Variants in ANO1 observed in about 807,000 individuals in gnomAD.
The protein encoded by ANO1 is anoctamin-1.
ANO1 carries 59 observed loss-of-function variants against 124.0 expected under a neutral mutation model. That is an observed-to-expected ratio of 0.48 (90% CI 0.39 to 0.59). ANO1 has a LOEUF of 0.59. ANO1 is among the 20% of genes least tolerant of loss of function. ANO1 has a pLI of 0.00. For missense variants in ANO1, 1,059 were observed against 1,328.0 expected, an observed-to-expected ratio of 0.80 and a Z score of 3.15; for synonymous variants, 529 against 532.0, an observed-to-expected ratio of 0.99 and a Z score of 0.08.
At chr11:69,980,363 C>T in the ANO1 span, among the ~76,000 whole-genome samples, 3 of 152,266 alleles carry the variant, frequency 2.0e-5, no homozygotes, top group East Asian at 3.9e-4. Context: ...GTGGCTCACA[C>T]CTGTAATCCC....
intron 1 of ANO1, among the ~76,000 whole-genome samples, chr11:70,029,837 C>T (rs1429580443): frequency 5.3e-5 from 8 of 152,186 alleles, no homozygotes; most frequent in African/African-American, 1.7e-4. Context: ...GCTTGAGCTG[C>T]ATCACTCCAG....
At chr11:70,145,718 C>A (rs1039985334) in intron 11 of ANO1, among the ~76,000 whole-genome samples, 1 of 152,080 alleles carries the variant, frequency 6.6e-6, no homozygotes, top group Non-Finnish European at 1.5e-5. Flanking sequence ...AGGCAGATCA[C>A]GTGAGGCCAG....
chr11:70,022,460 G>A (rs1015625462), intron 1 of ANO1, among the ~76,000 whole-genome samples: 25 of 152,098 alleles, frequency 1.6e-4, no homozygotes, highest in African/African-American at 2.2e-4. Context: ...TTAGCCGGAC[G>A]TGGTGGCAGG....
intron 10 of ANO1, 88 bp downstream of exon 10, chr11:70,126,283 C>A: frequency 1.4e-6 from 2 of 1,446,912 alleles, no homozygotes; most frequent in Non-Finnish European, 9.3e-7. Flanking sequence ...GGGACACTGG[C>A]CTCTCACACC....
intron 4 of ANO1, among the ~76,000 whole-genome samples, chr11:70,105,167 T>C (rs1203296999): frequency 6.6e-6 from 1 of 151,778 alleles, no homozygotes; most frequent in African/African-American, 2.4e-5. Flanking sequence ...TCCGTGGAGG[T>C]GGAAACTGGC....
chr11:70,094,078 G>A (rs989056876), intron 2 of ANO1, among the ~76,000 whole-genome samples: 5 of 152,232 alleles, frequency 3.3e-5, no homozygotes, highest in Non-Finnish European at 7.3e-5. Flanking sequence ...CCCACAGAGG[G>A]ACAGAGCTGG....
chr11:70,137,998 C>T (rs2135554914), intron 11 of ANO1, among the ~76,000 whole-genome samples: 1 of 147,768 alleles, frequency 6.8e-6, no homozygotes, highest in South Asian at 2.3e-4. Flanking sequence ...CCTAACCTCT[C>T]ACCTTGTGCT....
intron 7 of ANO1, among the ~76,000 whole-genome samples, chr11:70,115,090 G>A (rs1565214609): frequency 2.6e-5 from 4 of 152,130 alleles, no homozygotes; most frequent in Admixed American, 2.0e-4. Context: ...AAGGAGTCAG[G>A]CTTGGGTGGG....
At position 70,009,568 on chromosome 11, in the gene ANO1, T is replaced by A. The variant is rs76229010; in HGVS notation, c.58+23402T>A. 6.5e-3 allele frequency among the ~76,000 whole-genome samples: 983 copies of A among 152,258 alleles called. 15 individuals are homozygous for A. The highest frequency in any genetic ancestry group is 0.022 in the African/African-American group (918 of 41,532). On this transcript the variant is annotated intron_variant, in intron 1 of 27. Transcript: ENST00000531349. Reference sequence around the variant, plus strand: ...TGAAAAGGCCTGTCTTGGTGCATTTTGCGTTGCTATAAAGGAATGCATGAG... The same window carrying A: ...TGAAAAGGCCTGTCTTGGTGCATTTAGCGTTGCTATAAAGGAATGCATGAG...
chr11:70,004,093 A>G (rs10899055), intron 1 of ANO1, among the ~76,000 whole-genome samples: 115,389 of 151,876 alleles, frequency 0.76, 44,173 homozygotes, highest in East Asian at 0.99. Flanking sequence ...GGAGCCCACC[A>G]GGGGCTCCTT....
intron 11 of ANO1, among the ~76,000 whole-genome samples, chr11:70,136,708 A>G (rs544406969): frequency 1.4e-5 from 2 of 147,760 alleles, no homozygotes; most frequent in South Asian, 4.7e-4. Flanking sequence ...GCTCAGCTCC[A>G]CCACACGAGG....
chr11:70,087,690 C>T (rs2044437571), intron 1 of ANO1, 62 bp from the exon 2 acceptor site: 2 of 1,433,350 alleles, frequency 1.4e-6, no homozygotes, highest in Non-Finnish European at 9.3e-7. Flanking sequence ...GAGCAGCGCA[C>T]CCTCCAAAGG....
At chr11:69,966,243 A>T in the ANO1 span, among the ~76,000 whole-genome samples, 1 of 152,140 alleles carries the variant, frequency 6.6e-6, no homozygotes, top group African/African-American at 2.4e-5. Context: ...ATCCTTGGGC[A>T]CTGACCCTGG....
chr11:70,064,291 C>T (rs1219004309), intron 1 of ANO1: 5 of 152,416 alleles, frequency 3.3e-5, no homozygotes, highest in Admixed American at 2.0e-4. Flanking sequence ...CACTCCCCCT[C>T]ACCCTCCTGG....
intron 11 of ANO1, 109 bp downstream of exon 11, chr11:70,132,188 G>GAAAAAAAAA: frequency 7.3e-7 from 1 of 1,373,934 alleles, no homozygotes; most frequent in African/African-American, 1.5e-5. Flanking sequence ...GGGTTGTCGG[G>GAAAAAAAAA]AAAAAACATA....
chr11:70,085,283 C>A, intron 1 of ANO1: 1 of 1,125,448 alleles, frequency 8.9e-7, no homozygotes, highest in Non-Finnish European at 1.2e-6. Context: ...GGCATGGGAA[C>A]CCACTGCCCT....
chr11:70,153,077 C>T lies in ANO1; in HGVS notation c.1374C>T (p.Tyr458=), dbSNP rs369762692. 6.2e-6 allele frequency: 10 copies of T among 1,606,990 alleles called. No individual in the cohort carries two copies. Among genetic ancestry groups the T allele is most frequent in the South Asian group, 5.6e-5 (5 of 89,198 alleles). The change falls in exon 14 of 26, where the codon TAC becomes TAT. Residue 458 remains tyrosine, a synonymous_variant. Coordinates refer to ENST00000355303, the MANE Select transcript of ANO1 (RefSeq NM_018043.7). ...EAVKDHPRAE[Y]EARVLEKSLK... ...CACAGGATCATCCTAGAGCTGAATA[C>T]GAAGCCAGAGTCTTGGAGAAGTCTC...
chr11:70,041,538 T>C (rs140698574), intron 1 of ANO1, among the ~76,000 whole-genome samples: 2,451 of 152,344 alleles, frequency 0.016, 29 homozygotes, highest in Middle Eastern at 0.031. Flanking sequence ...CAGAACTATG[T>C]AGAAAGAACT....
intron 11 of ANO1, among the ~76,000 whole-genome samples, chr11:70,143,502 G>A (rs1201105843): frequency 1.3e-5 from 2 of 152,154 alleles, no homozygotes; most frequent in Non-Finnish European, 2.9e-5. Flanking sequence ...GAGAAGGACG[G>A]CAGAAAGACG....
Sources: gnomAD v4.1 joint callset for allele counts (sites outside exome capture counted in the v4.1 genomes callset) on GRCh38, gnomAD v4.1.1 for gene constraint, MANE v1.5 for transcripts, NCBI Gene and HGNC (gene_info 2026-07-23, HGNC 2026-07-21) for gene names.